PLA2G4A: variants seen among roughly 807,000 people sequenced by gnomAD.
PLA2G4A encodes the protein phospholipase A2 group IVA.
Under a neutral mutation model 81.9 loss-of-function variants are expected in PLA2G4A, and 40 were observed. The observed-to-expected ratio is 0.49, with a 90% CI of 0.38 to 0.64. The LOEUF (loss-of-function observed/expected upper bound fraction) is 0.64. Ranked by LOEUF, PLA2G4A falls within the 30% of genes least tolerant of loss-of-function variation. The probability of loss-of-function intolerance (pLI) is 0.00; values close to 1 mark genes in which losing one functional copy is unlikely to be tolerated. For missense variants in PLA2G4A, 715 were observed against 905.1 expected (o/e 0.79, Z 2.69); for synonymous variants, 302 against 296.9 (o/e 1.02, Z -0.18).
At chr1:186,829,616 A>G (rs1033555102) in intron 1 of PLA2G4A, among the ~76,000 whole-genome samples, 2 of 152,152 alleles carry the variant, frequency 1.3e-5, no homozygotes, top group Non-Finnish European at 2.9e-5. Flanking sequence ...CCCCTAAGTT[A>G]CTTGGCTTGC....
chr1:186,910,197 G>C (rs151263239), intron 6 of PLA2G4A, among the ~76,000 whole-genome samples: 29 of 151,988 alleles, frequency 1.9e-4, no homozygotes, highest in African/African-American at 7.0e-4. Flanking sequence ...ATAGCTCAGA[G>C]GCTTGGTCTC....
chr1:186,841,919 A>G (rs538160948), intron 1 of PLA2G4A, among the ~76,000 whole-genome samples: 1 of 133,824 alleles, frequency 7.5e-6, no homozygotes, highest in African/African-American at 2.6e-5. Flanking sequence ...GTGTGTATGT[A>G]TATGTTGGTG....
intron 7 of PLA2G4A, among the ~76,000 whole-genome samples, chr1:186,932,132 A>G (rs1213107643): frequency 6.6e-6 from 1 of 152,206 alleles, no homozygotes; most frequent in African/African-American, 2.4e-5. Flanking sequence ...GAGTTAAATA[A>G]GACAATGTCC....
At chr1:186,871,860 T>C (rs899652378) in intron 3 of PLA2G4A, among the ~76,000 whole-genome samples, 14 of 152,154 alleles carry the variant, frequency 9.2e-5, no homozygotes, top group African/African-American at 3.1e-4. Flanking sequence ...AAAATAGGTT[T>C]TTCTTTTTTT....
chr1:186,965,911 G>T (rs888756714), intron 15 of PLA2G4A, among the ~76,000 whole-genome samples: 1 of 151,946 alleles, frequency 6.6e-6, no homozygotes, highest in African/African-American at 2.4e-5. Flanking sequence ...GAATGGAGAG[G>T]GTACACCCTG....
At chr1:186,852,135 A>G (rs759326976) in intron 1 of PLA2G4A, among the ~76,000 whole-genome samples, 5 of 152,022 alleles carry the variant, frequency 3.3e-5, no homozygotes, top group Non-Finnish European at 7.4e-5. Flanking sequence ...ATGTGCCTAC[A>G]CAGGGACTGG....
At chr1:186,890,700 A>G (rs1365854479) in intron 3 of PLA2G4A, among the ~76,000 whole-genome samples, 1 of 151,920 alleles carries the variant, frequency 6.6e-6, no homozygotes, top group Non-Finnish European at 1.5e-5. Flanking sequence ...CTGAATATAC[A>G]AAAATTAGCC....
intron 12 of PLA2G4A, among the ~76,000 whole-genome samples, chr1:186,948,261 A>C (rs1488920659): frequency 6.6e-6 from 1 of 152,086 alleles, no homozygotes; most frequent in East Asian, 1.9e-4. Flanking sequence ...CAAATAAGGC[A>C]CCTTGTGTTT....
At chr1:186,935,260 A>T (rs186904968) in intron 8 of PLA2G4A, among the ~76,000 whole-genome samples, 207 of 152,084 alleles carry the variant, frequency 1.4e-3, no homozygotes, top group African/African-American at 4.9e-3. Flanking sequence ...ATTGTAAAAA[A>T]TAAGAAGTGA....
chr1:186,857,140 TA>T (rs375354559), intron 2 of PLA2G4A, among the ~76,000 whole-genome samples: 4 of 38,412 alleles, frequency 1.0e-4, no homozygotes, highest in African/African-American at 2.7e-4. Context: ...ATATATTATA[TA>T]ATTATATAAT....
chr1:186,959,888 C>T (rs1656887359), intron 14 of PLA2G4A, among the ~76,000 whole-genome samples: 1 of 149,386 alleles, frequency 6.7e-6, no homozygotes, highest in Non-Finnish European at 1.5e-5. Context: ...TTAAATTTTG[C>T]AACCCCCATG....
intron 7 of PLA2G4A, among the ~76,000 whole-genome samples, chr1:186,919,773 A>C (rs927980449): frequency 2.6e-5 from 4 of 152,154 alleles, no homozygotes; most frequent in Non-Finnish European, 5.9e-5. Flanking sequence ...CAGCAGCCCT[A>C]ACAATGTGTA....
rs556968982 is a variant in PLA2G4A, at chr1:186,858,763, T to C, written c.33+4376T>C. Among the ~76,000 whole-genome samples the C allele has an allele frequency of 1.1e-4, 17 of 152,184 alleles. No homozygotes were observed. In the South Asian group the frequency reaches 3.5e-3, roughly 32 times the overall value. On this transcript the variant is annotated intron_variant, in intron 2 of 17. Coordinates refer to ENST00000367466, the MANE Select transcript of PLA2G4A (RefSeq NM_024420.3). ...GAATAAACCATATATTGGTATCATG[T>C]TTTTCGTTAGTTTCTCCAACATCAG...
chr1:186,887,839 G>A (rs1158359867), intron 3 of PLA2G4A, among the ~76,000 whole-genome samples: 1 of 152,132 alleles, frequency 6.6e-6, no homozygotes, highest in Non-Finnish European at 1.5e-5. Context: ...TTGCTACCAT[G>A]CCAGTGATGG....
intron 3 of PLA2G4A, among the ~76,000 whole-genome samples, chr1:186,871,352 T>C (rs956525637): frequency 2.0e-5 from 3 of 152,174 alleles, no homozygotes; most frequent in African/African-American, 7.2e-5. Context: ...ATTATGATGA[T>C]GAATTTGATA....
At chr1:186,894,865 A>G (rs1038824471) in intron 5 of PLA2G4A, among the ~76,000 whole-genome samples, 7 of 152,200 alleles carry the variant, frequency 4.6e-5, no homozygotes, top group Admixed American at 1.3e-4. Flanking sequence ...TTCTGTAAGA[A>G]ACTAATTTAG....
intron 15 of PLA2G4A, among the ~76,000 whole-genome samples, chr1:186,971,155 T>A (rs1251669540): frequency 6.6e-6 from 1 of 151,978 alleles, no homozygotes; most frequent in Non-Finnish European, 1.5e-5. Flanking sequence ...TTGGCATTAT[T>A]TTGTTATACT....
intron 1 of PLA2G4A, among the ~76,000 whole-genome samples, chr1:186,840,630 C>T (rs1041230788): frequency 2.0e-5 from 3 of 152,182 alleles, no homozygotes; most frequent in Middle Eastern, 3.4e-3. Context: ...TCAATCTCAC[C>T]GGCTGCCTGA....
chr1:186,842,840 A>T (rs1652037593), intron 1 of PLA2G4A, among the ~76,000 whole-genome samples: 1 of 152,212 alleles, frequency 6.6e-6, no homozygotes, highest in Non-Finnish European at 1.5e-5. Flanking sequence ...ATACTTTGTT[A>T]TGGCAACCCT....
Sources: allele counts gnomAD v4.1 joint callset (sites outside exome capture counted in the v4.1 genomes callset), GRCh38; gene constraint gnomAD v4.1.1; transcripts MANE v1.5; gene names NCBI Gene and HGNC (gene_info 2026-07-23, HGNC 2026-07-21).